The following RPS27A variants were observed in gnomAD, a reference collection of about 807,000 sequenced individuals.
RPS27A encodes the protein ribosomal protein S27a.
RPS27A carries 1 observed loss-of-function variant against 18.9 expected under a neutral mutation model. That is an observed-to-expected ratio of 0.05 (90% confidence interval 0.02 to 0.25). The LOEUF is 0.25. Among genes scored for constraint, RPS27A ranks in the 10% least tolerant of loss-of-function variants. RPS27A has a pLI of 1.00. For missense variants in RPS27A, 123 were observed against 187.4 expected, an observed-to-expected ratio of 0.66 and a Z score of 2.01; for synonymous variants, 77 against 63.7, an observed-to-expected ratio of 1.21 and a Z score of -0.99.
chr2:55,233,822 G>A (rs548824526), intron 3 of RPS27A: 1 of 504,292 alleles, frequency 2.0e-6, no homozygotes, highest in Admixed American at 3.3e-5. Context: ...TAGAGACTGG[G>A]TTTTACCTTG....
In RPS27A at chr2:55,233,279, G is replaced by C; in HGVS notation, c.49-84G>C. 1.4e-5 allele frequency: 17 copies of C among 1,174,836 alleles called. 1 individual carries two copies. The South Asian group carries it at 1.7e-4, about 12-fold the overall frequency. 72.8% of individuals were successfully genotyped at this position (1,174,836 alleles called of 1,614,324 possible). On this transcript the variant is annotated intron_variant, in intron 2 of 5. Transcript: ENST00000272317. ...AGGTCTCAGCCCTGTCGCTGGTTCG[G>C]TTCAGTGGTAATTGTCAAACTAAAT...
At chr2:55,234,708 G>T in intron 4 of RPS27A, 123 bp from the exon 5 acceptor site, 1 of 1,092,024 alleles carries the variant, frequency 9.2e-7, no homozygotes, top group South Asian at 1.3e-5. Flanking sequence ...TGGGTTTGGG[G>T]GCTGCAAGAT....
At chr2:55,233,573 G>A in intron 3 of RPS27A, 156 bp downstream of exon 3, 1 of 679,362 alleles carries the variant, frequency 1.5e-6, no homozygotes, top group Non-Finnish European at 2.7e-6. Flanking sequence ...TGATCGGGGA[G>A]CACAGTACCT....
intron 3 of RPS27A, chr2:55,233,695 C>T (rs1473959266): frequency 3.9e-6 from 2 of 509,990 alleles, no homozygotes; most frequent in African/African-American, 1.9e-5. Context: ...ATTCGCTTGT[C>T]CCGGCTTACT....
chr2:55,234,019 C>T (rs1675659192), intron 3 of RPS27A, 100 bp from the exon 4 acceptor site: 2 of 816,446 alleles, frequency 2.4e-6, no homozygotes, highest in African/African-American at 1.7e-5. Flanking sequence ...TATTGTCAGC[C>T]TTTAGTATCA....
At chr2:55,234,566 C>T (rs573534790) in intron 4 of RPS27A, 85 of 563,652 alleles carry the variant, frequency 1.5e-4, no homozygotes, top group Non-Finnish European at 2.3e-4. Flanking sequence ...TTTTAGGTAA[C>T]TCCTATACTG....
chr2:55,235,138 G>A (rs1675723638), intron 5 of RPS27A, 176 bp downstream of exon 5: 7 of 807,300 alleles, frequency 8.7e-6, no homozygotes, highest in South Asian at 8.4e-5. Flanking sequence ...TTCCTGTTTG[G>A]TATTTGAAAT....
chr2:55,235,842 G>T lies in RPS27A; in HGVS notation c.*265G>T. The T allele has an allele frequency of 2.0e-6, 1 of 494,774 alleles. No homozygotes were observed. The highest frequency in any genetic ancestry group is 3.7e-6 in the Non-Finnish European group (1 of 272,352). 30.6% of individuals were successfully genotyped at this position (494,774 alleles called of 1,614,324 possible). On this transcript the variant is annotated 3_prime_UTR_variant, in exon 6 of 6. Coordinates refer to ENST00000272317, the MANE Select transcript of RPS27A (RefSeq NM_002954.6). ...GCAGAAGTTATATTTAATGTAAGTTGTCTAAATATAAGCCAGTTTGTGTTT... is the reference window on the plus strand; with the variant it reads ...GCAGAAGTTATATTTAATGTAAGTTTTCTAAATATAAGCCAGTTTGTGTTT...
chr2:55,235,211 A>T (rs903283031), intron 5 of RPS27A: 2 of 690,886 alleles, frequency 2.9e-6, no homozygotes, highest in South Asian at 3.8e-5. Flanking sequence ...ACCTTTGTCT[A>T]CCACTTGCAA....
At chr2:55,232,624 G>T, upstream of RPS27A, 1 of 634,358 alleles carries the variant, frequency 1.6e-6, no homozygotes, top group Admixed American at 2.5e-5. Flanking sequence ...TGGTGTGGTC[G>T]CCTAAGGGGT....
chr2:55,233,053 G>A (rs1342061800), intron 2 of RPS27A, 181 bp downstream of exon 2: 2 of 689,306 alleles, frequency 2.9e-6, no homozygotes, highest in Non-Finnish European at 5.3e-6. Context: ...GTGGCCAAAG[G>A]CTGGACCTGT....
chr2:55,232,165 T>A (rs912925153), upstream of RPS27A: 8 of 158,006 alleles, frequency 5.1e-5, no homozygotes, highest in African/African-American at 1.9e-4. Flanking sequence ...TAACATTTGC[T>A]CTAGTCACTT....
At chr2:55,235,122 G>C in intron 5 of RPS27A, 160 bp downstream of exon 5, 1 of 862,210 alleles carries the variant, frequency 1.2e-6, no homozygotes, top group South Asian at 1.6e-5. Flanking sequence ...AGACTTTCTG[G>C]GGTTTTTCCT....
At chr2:55,232,401 C>A (rs1675505764), upstream of RPS27A, 4 of 281,516 alleles carry the variant, frequency 1.4e-5, no homozygotes, top group East Asian at 2.7e-4. Context: ...CCCAAGAGGC[C>A]CCCCTCGACC....
In RPS27A at chr2:55,235,611, T is replaced by C. The variant is rs74733706; in HGVS notation, c.*34T>C. 2.1e-4 allele frequency: 343 copies of C among 1,597,060 alleles called. 3 individuals are homozygous for C. In the East Asian group the frequency reaches 7.5e-3, roughly 35 times the overall value. ...GTTAATAAAAGACATGAACTAACAT[T>C]TATTGTTGGGTTTTATTGCAGTAAA... On this transcript the variant is annotated 3_prime_UTR_variant, in exon 6 of 6. Coordinates refer to ENST00000272317, the MANE Select transcript of RPS27A (RefSeq NM_002954.6).
chr2:55,232,943 T>G, intron 2 of RPS27A, 71 bp downstream of exon 2: 1 of 1,213,716 alleles, frequency 8.2e-7, no homozygotes, highest in South Asian at 1.3e-5. Flanking sequence ...GGACCGGCGC[T>G]GCTTTCCATG....
At chr2:55,233,341 G>T (rs1372436465) in intron 2 of RPS27A, 22 bp from the exon 3 acceptor site, 1 of 1,599,110 alleles carries the variant, frequency 6.3e-7, no homozygotes, top group Non-Finnish European at 8.6e-7. Context: ...TAACCAACAT[G>T]CTTTCACTTT....
chr2:55,232,706 G>C lies in RPS27A; in HGVS notation c.-20G>C. On this transcript the variant is annotated splice_region_variant and 5_prime_UTR_variant, in exon 1 of 6. Transcript: ENST00000272317. The stretch of plus-strand genomic sequence containing the variant: ...GTTCTTCCTTTTCGATCCGCCATCT[G>C]CGGTGGGTGTCTGCACTTCGGCTGC... The C allele has an allele frequency of 1.1e-6, 1 of 895,940 alleles. No homozygotes were observed. Among genetic ancestry groups the C allele is most frequent in the Admixed American group, 2.0e-5 (1 of 50,114 alleles). The allele number at this position is 895,940 out of a possible 1,614,324, so 55.5% of individuals were successfully genotyped here.
intron 4 of RPS27A, 120 bp downstream of exon 4, chr2:55,234,324 T>C (rs1675683445): frequency 1.3e-5 from 10 of 745,304 alleles, no homozygotes; most frequent in South Asian, 1.5e-5. Context: ...AGTGGCGCAG[T>C]CACTGCAACC....
Sources: allele counts gnomAD v4.1 joint callset, GRCh38; gene constraint gnomAD v4.1.1; transcripts MANE v1.5; gene names NCBI Gene and HGNC (gene_info 2026-07-23, HGNC 2026-07-21).